Variants in RAD51B observed in about 807,000 individuals in gnomAD.
RAD51B encodes RAD51 paralog B, also known as DNA repair protein RAD51 homolog 2.
RAD51B carries 38 observed loss-of-function variants against 42.2 expected under a neutral mutation model. That is an observed-to-expected ratio of 0.90 (90% CI 0.70 to 1.18). The LOEUF is 1.18. RAD51B is among the 50% of genes most tolerant of loss of function. RAD51B has a pLI of 0.00. For synonymous variants in RAD51B, 154 were observed against 145.2 expected (o/e 1.06, Z -0.43); for missense variants, 373 against 400.7 (o/e 0.93, Z 0.59).
chr14:68,291,543 G>A (rs1057051701), intron 7 of RAD51B, among the ~76,000 whole-genome samples: 1 of 152,202 alleles, frequency 6.6e-6, no homozygotes, highest in African/African-American at 2.4e-5. Context: ...ATGTGTACAT[G>A]TGCATTTAAT....
intron 10 of RAD51B, among the ~76,000 whole-genome samples, chr14:68,499,163 C>T (rs1288521325): frequency 6.6e-6 from 1 of 152,166 alleles, no homozygotes; most frequent in African/African-American, 2.4e-5. Flanking sequence ...TGAGTTTTTG[C>T]ACTCGTAAGC....
At chr14:68,213,907 T>C (rs2079761392) in intron 7 of RAD51B, among the ~76,000 whole-genome samples, 1 of 152,186 alleles carries the variant, frequency 6.6e-6, no homozygotes, top group South Asian at 2.1e-4. Flanking sequence ...GTAGATGCCA[T>C]TGGTGTCTAA....
At chr14:67,951,005 C>T (rs2074434037) in intron 7 of RAD51B, among the ~76,000 whole-genome samples, 1 of 151,904 alleles carries the variant, frequency 6.6e-6, no homozygotes, top group South Asian at 2.1e-4. Flanking sequence ...GTTGGTGGTA[C>T]CTTAATAGTA....
chr14:68,512,112 G>A (rs1193654864), intron 10 of RAD51B, among the ~76,000 whole-genome samples: 2 of 152,222 alleles, frequency 1.3e-5, no homozygotes, highest in African/African-American at 4.8e-5. Context: ...GCCCTCTTGA[G>A]TGTGCCTTTC....
At chr14:68,182,593 A>G (rs1000309580) in intron 7 of RAD51B, among the ~76,000 whole-genome samples, 6 of 152,156 alleles carry the variant, frequency 3.9e-5, no homozygotes, top group African/African-American at 1.4e-4. Flanking sequence ...GTGTGTGTGC[A>G]TGCATCCACA....
At chr14:68,402,067 T>C (rs1681135710) in intron 8 of RAD51B, among the ~76,000 whole-genome samples, 3 of 152,164 alleles carry the variant, frequency 2.0e-5, no homozygotes, top group Non-Finnish European at 4.4e-5. Context: ...ATACAGCTGG[T>C]TCACAGATTC....
intron 4 of RAD51B, among the ~76,000 whole-genome samples, chr14:67,859,268 T>C (rs7157288): frequency 0.41 from 61,837 of 152,012 alleles, 13,609 homozygotes; most frequent in African/African-American, 0.54. Context: ...AAAATCAAAG[T>C]TCACAAAACA....
At chr14:68,639,353 C>G (rs1299637760) in intron 10 of RAD51B, among the ~76,000 whole-genome samples, 2 of 152,186 alleles carry the variant, frequency 1.3e-5, no homozygotes, top group Non-Finnish European at 2.9e-5. Flanking sequence ...AATTGACATT[C>G]ATGTTGCCCA....
chr14:68,213,790 T>A (rs1442899170), intron 7 of RAD51B, among the ~76,000 whole-genome samples: 1 of 151,884 alleles, frequency 6.6e-6, no homozygotes, highest in Admixed American at 6.6e-5. Flanking sequence ...TGGATTTACA[T>A]CCTAAGAGGA....
chr14:68,385,307 C>T (rs771698729), intron 8 of RAD51B, among the ~76,000 whole-genome samples: 26 of 152,280 alleles, frequency 1.7e-4, no homozygotes, highest in Non-Finnish European at 3.4e-4. Context: ...CTTTGGACTT[C>T]GCTCATTCTT....
At chr14:68,338,171 G>C (rs2082496209) in intron 8 of RAD51B, among the ~76,000 whole-genome samples, 1 of 152,122 alleles carries the variant, frequency 6.6e-6, no homozygotes, top group Non-Finnish European at 1.5e-5. Flanking sequence ...GGAATCACGA[G>C]ACTCTCACAT....
chr14:68,510,526 T>TG (rs1373142859), intron 10 of RAD51B, among the ~76,000 whole-genome samples: 3 of 152,150 alleles, frequency 2.0e-5, no homozygotes, highest in East Asian at 1.9e-4. Flanking sequence ...TGGGTCCTGT[T>TG]GGGGGGCTCT....
intron 7 of RAD51B, among the ~76,000 whole-genome samples, chr14:68,016,372 G>A (rs2075778267): frequency 1.3e-5 from 2 of 152,158 alleles, no homozygotes; most frequent in Admixed American, 6.5e-5. Context: ...ACAACTAGAT[G>A]TGGAGTTTGG....
chr14:68,487,551 C>G (rs1883726436), intron 10 of RAD51B, among the ~76,000 whole-genome samples: 2 of 151,590 alleles, frequency 1.3e-5, no homozygotes, highest in Admixed American at 6.6e-5. Context: ...CTCTGTTGCC[C>G]AGGCTGGGGT....
chr14:67,939,578 T>C (rs1047067942), intron 7 of RAD51B, among the ~76,000 whole-genome samples: 1 of 152,182 alleles, frequency 6.6e-6, no homozygotes, highest in African/African-American at 2.4e-5. Context: ...ATAGCTTCAC[T>C]GGGATTGTGT....
At chr14:67,931,472 A>G (rs1001754804) in intron 7 of RAD51B, among the ~76,000 whole-genome samples, 8 of 148,174 alleles carry the variant, frequency 5.4e-5, no homozygotes, top group Non-Finnish European at 1.2e-4. Context: ...CTTTAGTATC[A>G]TAATTTTGAA....
rs200058370 is a variant in RAD51B, at chr14:68,083,424, AC to A, written c.756+196221del. Among the ~76,000 whole-genome samples, 1,109 of 152,310 alleles carry A rather than the reference AC, an allele frequency of 7.3e-3. 13 individuals carry two copies. Among genetic ancestry groups the A allele is most frequent in the African/African-American group, 0.026 (1,074 of 41,568 alleles). On this transcript the variant is annotated intron_variant, in intron 7 of 10. Transcript: ENST00000471583. Reference sequence around the variant, plus strand: ...AAATCTTGATGATATTGCCTGGAGCACAAAAAAGGAATATTGTCACAGCAAG... The same window carrying A: ...AAATCTTGATGATATTGCCTGGAGCAAAAAAAGGAATATTGTCACAGCAAG...
At chr14:68,482,774 G>C (rs760667464), downstream of RAD51B, among the ~76,000 whole-genome samples, 1 of 152,196 alleles carries the variant, frequency 6.6e-6, no homozygotes, top group Non-Finnish European at 1.5e-5. Context: ...ATTTCGGTGA[G>C]GGCAGGGTTC....
intron 10 of RAD51B, among the ~76,000 whole-genome samples, chr14:68,552,539 T>G (rs1402638086): frequency 1.3e-5 from 2 of 152,124 alleles, no homozygotes; most frequent in African/African-American, 4.8e-5. Context: ...TTAAATAGAT[T>G]TAAAAGACCT....
Sources: allele counts gnomAD v4.1 joint callset (sites outside exome capture counted in the v4.1 genomes callset), GRCh38; gene constraint gnomAD v4.1.1; transcripts MANE v1.5; gene names NCBI Gene and HGNC (gene_info 2026-07-23, HGNC 2026-07-21).